The following CLASP1 variants were observed in gnomAD, a reference collection of about 807,000 sequenced individuals.
CLASP1 encodes cytoplasmic linker associated protein 1, also known as CLIP-associating protein 1.
Under a neutral mutation model 192.3 loss-of-function variants are expected in CLASP1, and 38 were observed. That is an observed-to-expected ratio of 0.20 (90% CI 0.15 to 0.26). The LOEUF is 0.26. Among genes scored for constraint, CLASP1 ranks in the 10% least tolerant of loss-of-function variants. The probability of loss-of-function intolerance (pLI) is 1.00; values close to 1 mark genes in which losing one functional copy is unlikely to be tolerated. For missense variants in CLASP1, 1,433 were observed against 1,932.5 expected (o/e 0.74, Z 4.85); for synonymous variants, 691 against 712.8 (o/e 0.97, Z 0.49).
intron 37 of CLASP1, among the ~76,000 whole-genome samples, chr2:121,353,176 A>G (rs867825506): frequency 3.3e-5 from 5 of 152,090 alleles, no homozygotes; most frequent in African/African-American, 1.2e-4. Flanking sequence ...ACAAAAACAA[A>G]ACACAAGCTA....
At chr2:121,360,157 C>A (rs1457139940) in intron 37 of CLASP1, among the ~76,000 whole-genome samples, 4 of 152,182 alleles carry the variant, frequency 2.6e-5, no homozygotes, top group Non-Finnish European at 2.9e-5. Flanking sequence ...GCAGCTGGTG[C>A]CAATATCTCT....
chr2:121,376,073 A>G (rs111815920), intron 34 of CLASP1, among the ~76,000 whole-genome samples: 160 of 152,356 alleles, frequency 1.1e-3, no homozygotes, highest in African/African-American at 3.7e-3. Context: ...TTTATATACC[A>G]TTGGTGAGAA....
chr2:121,532,324 G>A (rs1575744702), intron 2 of CLASP1: 1 of 152,132 alleles, frequency 6.6e-6, no homozygotes, highest in East Asian at 1.9e-4. Flanking sequence ...TTAAAATAAT[G>A]ACTCTACTTT....
intron 2 of CLASP1, among the ~76,000 whole-genome samples, chr2:121,551,461 G>A (rs533897057): frequency 1.3e-5 from 2 of 152,094 alleles, no homozygotes; most frequent in Admixed American, 6.5e-5. Context: ...CCACAGTCTC[G>A]GCCCAAAAGC....
chr2:121,364,080 A>T (rs946581699), intron 36 of CLASP1: 1 of 152,214 alleles, frequency 6.6e-6, no homozygotes, highest in African/African-American at 2.4e-5. Context: ...ATTTTTAAAA[A>T]GTTTTTTTTA....
chr2:121,470,439 T>C (rs372885125), intron 8 of CLASP1, among the ~76,000 whole-genome samples: 1 of 151,734 alleles, frequency 6.6e-6, no homozygotes, highest in East Asian at 1.9e-4. Context: ...ACAGCTGAGA[T>C]GAGAGTATAT....
intron 11 of CLASP1, among the ~76,000 whole-genome samples, chr2:121,460,334 G>A (rs990863377): frequency 6.6e-6 from 1 of 152,042 alleles, no homozygotes; most frequent in African/African-American, 2.4e-5. Flanking sequence ...TTTAACTAGA[G>A]TATTTGTGAC....
chr2:121,411,378 A>G (rs985989667), intron 23 of CLASP1, among the ~76,000 whole-genome samples: 4 of 152,238 alleles, frequency 2.6e-5, no homozygotes, highest in Non-Finnish European at 5.9e-5. Context: ...TGTGTGGTAA[A>G]AGCTTAAAAT....
chr2:121,583,909 T>A (rs897376040), intron 2 of CLASP1, among the ~76,000 whole-genome samples: 14 of 151,988 alleles, frequency 9.2e-5, no homozygotes, highest in African/African-American at 3.1e-4. Context: ...ATGTAAAAAA[T>A]CGTGGGGAGG....
intron 2 of CLASP1, among the ~76,000 whole-genome samples, chr2:121,554,372 A>G (rs1322986371): frequency 6.6e-6 from 1 of 151,496 alleles, no homozygotes; most frequent in African/African-American, 2.4e-5. Flanking sequence ...ACACTTTGGA[A>G]GGCCAAGGCA....
chr2:121,506,426 G>A (rs1352534404), intron 7 of CLASP1, among the ~76,000 whole-genome samples: 1 of 151,878 alleles, frequency 6.6e-6, no homozygotes, highest in East Asian at 1.9e-4. Context: ...AGTGACAACT[G>A]TTCAACATGG....
intron 1 of CLASP1, among the ~76,000 whole-genome samples, chr2:121,617,196 C>T (rs958198449): frequency 1.3e-5 from 2 of 152,006 alleles, no homozygotes; most frequent in East Asian, 3.9e-4. Flanking sequence ...CTCCCTGACT[C>T]CCTCCCTATC....
chr2:121,366,760 T>C (rs1445708646), intron 35 of CLASP1, among the ~76,000 whole-genome samples: 1 of 152,218 alleles, frequency 6.6e-6, no homozygotes, highest in African/African-American at 2.4e-5. Context: ...CAAAACAATA[T>C]TTTTTTAAAA....
chr2:121,584,087 C>T lies in CLASP1; in HGVS notation c.195+21614G>A, dbSNP rs558190161. 3.9e-5 allele frequency among the ~76,000 whole-genome samples: 6 copies of T among 152,168 alleles called. No homozygotes were observed. In the South Asian group the frequency reaches 1.2e-3, roughly 32 times the overall value. The stretch of plus-strand genomic sequence containing the variant: ...AGCACCTTGACCTTAGACTTCCAGG[C>T]TCCAGAACTGTAAGAAATACATTTA... On this transcript the variant is annotated intron_variant, in intron 2 of 39. Coordinates refer to ENST00000263710, the Ensembl canonical transcript of CLASP1.
At chr2:121,502,036 T>TTTTCC (rs2093769660) in intron 8 of CLASP1, among the ~76,000 whole-genome samples, 1 of 152,178 alleles carries the variant, frequency 6.6e-6, no homozygotes, top group Non-Finnish European at 1.5e-5. Context: ...TTTTGATATT[T>TTTTCC]TTTCCTTCAT....
At chr2:121,455,223 A>G (rs2086375697) in intron 14 of CLASP1, among the ~76,000 whole-genome samples, 1 of 152,210 alleles carries the variant, frequency 6.6e-6, no homozygotes, top group Admixed American at 6.5e-5. Flanking sequence ...GTGACTTTAG[A>G]TAGCTGGATT....
At chr2:121,476,052 C>G (rs369480315) in intron 8 of CLASP1, among the ~76,000 whole-genome samples, 3 of 152,148 alleles carry the variant, frequency 2.0e-5, no homozygotes, top group East Asian at 3.9e-4. Flanking sequence ...TCACCCCACC[C>G]CTGGCAATCC....
intron 2 of CLASP1, among the ~76,000 whole-genome samples, chr2:121,578,504 C>A (rs965808816): frequency 6.7e-6 from 1 of 148,818 alleles, no homozygotes; most frequent in African/African-American, 2.5e-5. Flanking sequence ...CCGAGGCTGG[C>A]GGATCACAAG....
At chr2:121,577,726 T>C (rs372645022) in intron 2 of CLASP1, among the ~76,000 whole-genome samples, 2 of 152,182 alleles carry the variant, frequency 1.3e-5, no homozygotes, top group African/African-American at 2.4e-5. Flanking sequence ...GGTGATTTAA[T>C]GAATAAAATA....
Sources: allele counts gnomAD v4.1 joint callset (sites outside exome capture counted in the v4.1 genomes callset), GRCh38; gene constraint gnomAD v4.1.1; transcripts MANE v1.5; gene names NCBI Gene and HGNC (gene_info 2026-07-23, HGNC 2026-07-21).